LYST: variants seen among roughly 807,000 people sequenced by gnomAD.
The protein encoded by LYST is lysosomal-trafficking regulator.
LYST carries 192 observed loss-of-function variants against 413.6 expected under a neutral mutation model. The ratio of observed to expected loss-of-function variants is 0.46; its 90% CI spans 0.41 to 0.52. The LOEUF is 0.52. Among genes scored for constraint, LYST ranks in the 20% least tolerant of loss-of-function variants. The pLI is 0.00. For synonymous variants in LYST, 1,525 were observed against 1,567.3 expected (o/e 0.97, Z 0.64); for missense variants, 3,815 against 4,499.9 (o/e 0.85, Z 4.35).
At chr1:235,679,703 C>A (rs1659660537) in intron 48 of LYST, among the ~76,000 whole-genome samples, 1 of 152,058 alleles carries the variant, frequency 6.6e-6, no homozygotes, top group Non-Finnish European at 1.5e-5. Context: ...TTTGAGGATC[C>A]TAGACAAACC....
chr1:235,789,251 C>T (rs1670746524), intron 12 of LYST, among the ~76,000 whole-genome samples: 2 of 151,078 alleles, frequency 1.3e-5, no homozygotes, highest in Admixed American at 6.6e-5. Flanking sequence ...AGAATTATCA[C>T]AATATGGCAT....
At position 235,702,763 on chromosome 1, in the gene LYST, T is replaced by C; in HGVS notation, c.10358A>G (p.Lys3453Arg). ...ATGACATACCGGATAGGTGATTTCT[T>C]TGACCTGTTCTCGGGTCTCCCTGAA... ...FAFRETREQV[K>R]EITYPSPLSW... is the part of the protein sequence containing the mutation. Residue 3453 changes from lysine to arginine, a missense_variant, in exon 45 of 53, where the codon AAA becomes AGA. Around this residue, in one of 4 missense-constraint regions of LYST, gnomAD observed 866 missense variants for 1,156.0 expected, o/e 0.75. Transcript: ENST00000389793. 1.2e-6 allele frequency: 2 copies of C among 1,614,132 alleles called. No individual in the cohort carries two copies. The highest frequency in any genetic ancestry group is 1.7e-6 in the Non-Finnish European group (2 of 1,179,976).
intron 3 of LYST, chr1:235,827,588 C>G: frequency 1.0e-6 from 1 of 982,206 alleles, no homozygotes; most frequent in Non-Finnish European, 1.2e-6. Context: ...CTCAAACATT[C>G]ATTCTCCATT....
chr1:235,707,038 AG>A (rs1662046631), intron 44 of LYST, among the ~76,000 whole-genome samples: 3 of 152,312 alleles, frequency 2.0e-5, no homozygotes, highest in South Asian at 4.1e-4. Context: ...CAGTTAGTGG[AG>A]AAGTCCTTCA....
intron 28 of LYST, among the ~76,000 whole-genome samples, chr1:235,749,007 TC>T (rs3835669): frequency 0.27 from 40,475 of 151,944 alleles, 5,668 homozygotes; most frequent in African/African-American, 0.32. Flanking sequence ...TATTTAGGAA[TC>T]CCCCCTACCA....
chr1:235,662,652 G>C lies in LYST; in HGVS notation c.*288C>G. The C allele has an allele frequency of 2.4e-6, 1 of 419,974 alleles. No individual in the cohort carries two copies. Among genetic ancestry groups the C allele is most frequent in the Non-Finnish European group, 4.4e-6 (1 of 225,944 alleles). 26.0% of individuals were successfully genotyped at this position (419,974 alleles called of 1,614,324 possible). On this transcript the variant is annotated 3_prime_UTR_variant, in exon 53 of 53. Transcript: ENST00000389793. Reference sequence around the variant, plus strand: ...CTTAATATTTTCTTTGGAATACCTTGGTGGGAAAAAATTTTAAGAATATCA... The same window carrying C: ...CTTAATATTTTCTTTGGAATACCTTCGTGGGAAAAAATTTTAAGAATATCA...
intron 48 of LYST, among the ~76,000 whole-genome samples, chr1:235,682,330 G>A (rs376444707): frequency 1.3e-5 from 2 of 152,158 alleles, no homozygotes; most frequent in African/African-American, 2.4e-5. Context: ...GTATGCCCAA[G>A]AAGAAAGTGG....
chr1:235,697,146 T>C lies in LYST; in HGVS notation c.10501A>G (p.Thr3501Ala). The C allele has an allele frequency of 1.2e-6, 2 of 1,614,132 alleles. No homozygotes were observed. The highest frequency in any genetic ancestry group is 1.7e-6 in the Non-Finnish European group (2 of 1,179,952). The change falls in exon 46 of 53, where the codon ACC becomes GCC. Residue 3501 changes from threonine to alanine, a missense_variant. By Grantham distance (58) the Thr-to-Ala change is moderately conservative. Around this residue, in one of 4 missense-constraint regions of LYST, gnomAD observed 866 missense variants for 1,156.0 expected, o/e 0.75. Transcript: ENST00000389793. Reference sequence around the variant, plus strand: ...CGTGACAAACCACAGATTGCTCTGGTGGGCAGAGCCTGGAGAGAGCCAAAT... The same window carrying C: ...CGTGACAAACCACAGATTGCTCTGGCGGGCAGAGCCTGGAGAGAGCCAAAT... ...ERFGSLQALP[T>A]RAICGLSRNF...
chr1:235,825,020 CA>C (rs573344084), intron 3 of LYST, among the ~76,000 whole-genome samples: 9 of 149,742 alleles, frequency 6.0e-5, no homozygotes, highest in African/African-American at 2.0e-4. Flanking sequence ...GACTCTGTCT[CA>C]AAAAAAAGAA....
intron 42 of LYST, among the ~76,000 whole-genome samples, chr1:235,713,908 T>C (rs182122769): frequency 1.6e-4 from 24 of 152,330 alleles, no homozygotes; most frequent in African/African-American, 5.8e-4. Context: ...ATGAATACAT[T>C]CATAATAGTA....
chr1:235,800,742 C>A (rs1672124445), intron 9 of LYST, 129 bp downstream of exon 9: 1 of 686,478 alleles, frequency 1.5e-6, no homozygotes. Context: ...AGGTATTCAC[C>A]TGAGGTACCA....
chr1:235,700,169 G>C (rs1414244184), intron 45 of LYST, among the ~76,000 whole-genome samples: 1 of 152,138 alleles, frequency 6.6e-6, no homozygotes, highest in Non-Finnish European at 1.5e-5. Context: ...TCAGGACATA[G>C]GCACGGGCAA....
chr1:235,806,618 C>T lies in LYST; in HGVS notation c.2518G>A (p.Asp840Asn), dbSNP rs759526929. 1.2e-6 allele frequency: 2 copies of T among 1,614,084 alleles called. No individual in the cohort carries two copies. Among genetic ancestry groups the T allele is most frequent in the Non-Finnish European group, 1.7e-6 (2 of 1,179,964 alleles). ...TCCTTCTGTTCAATGTCTATCCCAT[C>T]AATATCTGGAACTGAGGCATCTTTC... Reference protein sequence around the residue: ...QQKDASVPDIDGIDIEQKELS... With the variant: ...QQKDASVPDINGIDIEQKELS... Residue 840 changes from aspartate to asparagine, a missense_variant, in exon 6 of 53, where the codon GAT becomes AAT. Transcript: ENST00000389793.
Position 235,787,393 on chromosome 1 carries a change from G to C in LYST, c.4689-20C>G, listed in dbSNP as rs754303812. Reference sequence around the variant, plus strand: ...CACACACTACAGAAAAAGAGAAAAGGCATAGGCTGAAAACATGAAAATTCT... The same window carrying C: ...CACACACTACAGAAAAAGAGAAAAGCCATAGGCTGAAAACATGAAAATTCT... On this transcript the variant is annotated intron_variant, in intron 13 of 52. Coordinates refer to ENST00000389793, the MANE Select transcript of LYST (RefSeq NM_000081.4). 1 of 1,608,810 alleles carries C rather than the reference G, an allele frequency of 6.2e-7. No homozygotes were observed. The highest frequency in any genetic ancestry group is 2.2e-5 in the East Asian group (1 of 44,776).
Position 235,664,155 on chromosome 1 carries a change from T to G in LYST, c.11196-100A>C. 2.7e-5 allele frequency: 25 copies of G among 943,214 alleles called. No homozygotes were observed. The highest frequency in any genetic ancestry group is 4.0e-5 in the Non-Finnish European group (23 of 576,846). The allele number at this position is 943,214 out of a possible 1,614,324, so 58.4% of individuals were successfully genotyped here. A position where few individuals can be genotyped will look rare whatever the true frequency, so the allele number is the denominator to read the frequency against. On this transcript the variant is annotated intron_variant, in intron 51 of 52. Transcript: ENST00000389793. The surrounding 1 kb of genome is among the most constrained non-coding windows in gnomAD (Gnocchi z 4.5). ...TTGTTAAAAATCATGTGGAAGGAAATGTAACAAACAATTAACAGTAGTTCC... is the reference window on the plus strand; with the variant it reads ...TTGTTAAAAATCATGTGGAAGGAAAGGTAACAAACAATTAACAGTAGTTCC...
At chr1:235,807,868 AT>A (rs1673041653) in intron 5 of LYST, among the ~76,000 whole-genome samples, 1 of 152,184 alleles carries the variant, frequency 6.6e-6, no homozygotes, top group African/African-American at 2.4e-5. Flanking sequence ...TAATAATCCC[AT>A]TAGTGCCTCT....
rs902339703 is a variant in LYST at position 235,854,735 on chromosome 1, A to G, written c.-98+12108T>C. Among the ~76,000 whole-genome samples, 2 of 152,200 alleles carry G rather than the reference A, an allele frequency of 1.3e-5. No homozygotes were observed. Among genetic ancestry groups the G allele is most frequent in the African/African-American group, 2.4e-5 (1 of 41,432 alleles). Reference sequence around the variant, plus strand: ...GGAAAATCAATTATTATTAGATATTATCATCATCACCTTGAATCTGGTCCT... The same window carrying G: ...GGAAAATCAATTATTATTAGATATTGTCATCATCACCTTGAATCTGGTCCT... On this transcript the variant is annotated intron_variant, in intron 1 of 52. Coordinates refer to ENST00000389793, the MANE Select transcript of LYST (RefSeq NM_000081.4). This position sits in a 1 kb window ranked among gnomAD's most constrained non-coding sequence, Gnocchi z 4.1.
chr1:235,714,076 T>A (rs1344753783), intron 42 of LYST, among the ~76,000 whole-genome samples: 1 of 152,194 alleles, frequency 6.6e-6, no homozygotes, highest in Non-Finnish European at 1.5e-5. Flanking sequence ...TTCTTTTTTA[T>A]TTTGACTGCC....
Position 235,664,628 on chromosome 1 carries a change from C to T in LYST, c.11039-7G>A. ...AGGTCACTGCCTCCGCCAGCTAAAA[C>T]ACCCAAATCATCCGGCGGGTTACCA... On this transcript the variant is annotated splice_region_variant and splice_polypyrimidine_tract_variant and intron_variant, in intron 50 of 52. Coordinates refer to ENST00000389793, the MANE Select transcript of LYST (RefSeq NM_000081.4). The surrounding 1 kb of genome is among the most constrained non-coding windows in gnomAD (Gnocchi z 4.5). 1 of 1,614,100 alleles carries T rather than the reference C, an allele frequency of 6.2e-7. No homozygotes were observed. Among genetic ancestry groups the T allele is most frequent in the Non-Finnish European group, 8.5e-7 (1 of 1,179,988 alleles).
Sources: allele counts gnomAD v4.1 joint callset (sites outside exome capture counted in the v4.1 genomes callset), GRCh38; gene constraint gnomAD v4.1.1; regional missense constraint gnomAD v4.1.1; non-coding constraint Gnocchi (gnomAD v3.1); transcripts MANE v1.5; gene names NCBI Gene and HGNC (gene_info 2026-07-23, HGNC 2026-07-21).